The following PIGL variants were observed in gnomAD, a reference collection of about 807,000 sequenced individuals.
The protein encoded by PIGL is phosphatidylinositol glycan anchor biosynthesis class L.
In PIGL, 22 loss-of-function variants were observed where a neutral mutation model predicts 31.1. The observed-to-expected ratio is 0.71, with a 90% confidence interval of 0.51 to 1.01. The LOEUF is 1.01. Ranked by LOEUF, PIGL falls within the 50% of genes least tolerant of loss-of-function variation. The probability of loss-of-function intolerance (pLI) is 0.00; values close to 1 mark genes in which losing one functional copy is unlikely to be tolerated. For missense variants in PIGL, 302 were observed against 315.9 expected, an observed-to-expected ratio of 0.96 and a Z score of 0.33; for synonymous variants, 131 against 117.4, an observed-to-expected ratio of 1.12 and a Z score of -0.75.
intron 4 of PIGL, 150 bp downstream of exon 4, chr17:16,313,764 C>A (rs1212085580): frequency 4.5e-6 from 3 of 661,552 alleles, no homozygotes; most frequent in Non-Finnish European, 8.3e-6. Context: ...CCATGTTGCT[C>A]ACTGCATCTC....
At chr17:16,238,560 C>T (rs1490968308) in intron 2 of PIGL, among the ~76,000 whole-genome samples, 2 of 148,880 alleles carry the variant, frequency 1.3e-5, no homozygotes, top group Non-Finnish European at 3.0e-5. Flanking sequence ...CTCAGCCTCC[C>T]GAGTAGCTGG....
Position 16,217,234 on chromosome 17 carries a change from C to T in PIGL, c.8C>T (p.Ala3Val), listed in dbSNP as rs765034338. Reference protein sequence around the residue: MEAMWLLCVALAV... With the variant: MEVMWLLCVALAV... ...CAGTGCTGCTTACCCATCATGGAAGCAATGTGGCTCCTGTGTGTGGCGTTG... is the reference window on the plus strand; with the variant it reads ...CAGTGCTGCTTACCCATCATGGAAGTAATGTGGCTCCTGTGTGTGGCGTTG... The change falls in exon 1 of 7, where the codon GCA becomes GTA. Residue 3 changes from alanine to valine, a missense_variant. Coordinates refer to ENST00000225609, the MANE Select transcript of PIGL (RefSeq NM_004278.4). 2.5e-6 allele frequency: 4 copies of T among 1,613,984 alleles called. No individual in the cohort carries two copies. The Admixed American group carries it at 6.7e-5, about 27-fold the overall frequency.
chr17:16,283,477 A>G, intron 2 of PIGL, among the ~76,000 whole-genome samples: 1 of 152,098 alleles, frequency 6.6e-6, no homozygotes, highest in East Asian at 1.9e-4. Context: ...CAAAAAAAAA[A>G]AGATATTTCT....
intron 2 of PIGL, among the ~76,000 whole-genome samples, chr17:16,291,790 G>T (rs1404348238): frequency 6.7e-6 from 1 of 149,570 alleles, no homozygotes; most frequent in African/African-American, 2.5e-5. Flanking sequence ...ACTTGAATCT[G>T]GGAGGCGGAG....
chr17:16,312,025 A>T (rs1270484686), intron 3 of PIGL, among the ~76,000 whole-genome samples: 4 of 151,672 alleles, frequency 2.6e-5, no homozygotes, highest in East Asian at 3.9e-4. Flanking sequence ...CACTTCCCAG[A>T]CGGGGTGGCC....
At chr17:16,240,846 C>T (rs1423509459) in intron 2 of PIGL, among the ~76,000 whole-genome samples, 1 of 145,656 alleles carries the variant, frequency 6.9e-6, no homozygotes, top group East Asian at 2.0e-4. Flanking sequence ...TGGTGGCTCA[C>T]GCCTCTAATC....
intron 3 of PIGL, among the ~76,000 whole-genome samples, chr17:16,311,886 T>C (rs1296167432): frequency 4.6e-5 from 7 of 152,180 alleles, no homozygotes; most frequent in Non-Finnish European, 7.4e-5. Flanking sequence ...AACAATCTGA[T>C]TTCTCTATCT....
rs1294228564 is a variant in PIGL, at chr17:16,313,564, AGG to A, written c.448_449del (p.Gly150SerfsTer25). The A allele has an allele frequency of 6.2e-7, 1 of 1,613,908 alleles. No individual in the cohort carries two copies. The highest frequency in any genetic ancestry group is 2.2e-5 in the East Asian group (1 of 44,880). On this transcript the variant is annotated frameshift_variant, in exon 4 of 7. Coordinates refer to ENST00000225609, the MANE Select transcript of PIGL (RefSeq NM_004278.4). LOFTEE classifies it high-confidence loss of function. ...GINLVVTFDA[G>X]GVSGHSNHIA... ...CTCTACAGGTGGTGACTTTCGATGC[AGG>A]GGGAGTAAGTGGCCACAGCAATCAC...
At chr17:16,240,952 TAA>T (rs1261907454) in intron 2 of PIGL, among the ~76,000 whole-genome samples, 2 of 151,056 alleles carry the variant, frequency 1.3e-5, no homozygotes, top group African/African-American at 2.4e-5. Flanking sequence ...CGGTCTCTAC[TAA>T]AAATACAAAA....
In PIGL at chr17:16,300,170, C is replaced by T. The variant is rs78408830; in HGVS notation, c.426+192C>T. 882 of 570,484 alleles carry T rather than the reference C, an allele frequency of 1.5e-3. 9 individuals are homozygous for T. Among genetic ancestry groups the T allele is most frequent in the African/African-American group, 0.014 (767 of 53,378 alleles). The allele number at this position is 570,484 out of a possible 1,614,324, so 35.3% of individuals were successfully genotyped here. ...ACAAACACACCTTTTGATATCTTTA[C>T]GATCTTGTGTGAGACTGAATAACTA... On this transcript the variant is annotated intron_variant, in intron 3 of 6. Transcript: ENST00000225609.
At chr17:16,217,646 A>ATCTACACGCCACCATT in intron 1 of PIGL, 185 bp downstream of exon 1, 1 of 511,626 alleles carries the variant, frequency 2.0e-6, no homozygotes, top group South Asian at 3.2e-5. Flanking sequence ...GGGTTGGGGG[A>ATCTACACGCCACCATT]CGTCGGCAGC....
At chr17:16,240,085 A>G (rs1394381430) in intron 2 of PIGL, among the ~76,000 whole-genome samples, 1 of 152,122 alleles carries the variant, frequency 6.6e-6, no homozygotes, top group East Asian at 1.9e-4. Flanking sequence ...TTTCTCATGA[A>G]TAGTTTAGCA....
chr17:16,266,912 G>GTTGCA (rs2092846567), intron 2 of PIGL, among the ~76,000 whole-genome samples: 2 of 148,008 alleles, frequency 1.4e-5, no homozygotes, highest in African/African-American at 4.9e-5. Context: ...TTTTTGGGGG[G>GTTGCA]GGGGGGGTTG....
intron 2 of PIGL, among the ~76,000 whole-genome samples, chr17:16,277,215 A>C (rs2092899641): frequency 6.6e-6 from 1 of 152,222 alleles, no homozygotes; most frequent in South Asian, 2.1e-4. Context: ...GATTCCTTAA[A>C]GGAAAGAGTG....
chr17:16,316,487 A>G (rs535070519), intron 4 of PIGL, among the ~76,000 whole-genome samples, 194 bp from the exon 5 acceptor site: 4 of 152,274 alleles, frequency 2.6e-5, no homozygotes, highest in Non-Finnish European at 4.4e-5. Flanking sequence ...TCAGGTGCCC[A>G]TCCTGGTCCC....
chr17:16,276,414 A>G (rs1461677235), intron 2 of PIGL, among the ~76,000 whole-genome samples: 1 of 152,046 alleles, frequency 6.6e-6, no homozygotes, highest in Non-Finnish European at 1.5e-5. Flanking sequence ...TAAATTGCAG[A>G]AAAAAAACTT....
intron 1 of PIGL, among the ~76,000 whole-genome samples, chr17:16,232,264 G>A (rs541068400): frequency 1.3e-5 from 2 of 152,054 alleles, no homozygotes; most frequent in South Asian, 4.2e-4. Flanking sequence ...GGCAACAAGA[G>A]CAAAACTCTG....
intron 6 of PIGL, among the ~76,000 whole-genome samples, chr17:16,321,971 A>G (rs552460737): frequency 2.6e-4 from 40 of 152,164 alleles, no homozygotes; most frequent in African/African-American, 9.2e-4. Flanking sequence ...TTTAGTACAG[A>G]CAGGGTTTCC....
At chr17:16,264,991 C>T (rs1481640840) in intron 2 of PIGL, among the ~76,000 whole-genome samples, 1 of 152,164 alleles carries the variant, frequency 6.6e-6, no homozygotes, top group Non-Finnish European at 1.5e-5. Context: ...AAGAGACAAA[C>T]TTAGTTTTAT....
Sources: allele counts gnomAD v4.1 joint callset (sites outside exome capture counted in the v4.1 genomes callset), GRCh38; gene constraint gnomAD v4.1.1; transcripts MANE v1.5; gene names NCBI Gene and HGNC (gene_info 2026-07-23, HGNC 2026-07-21).